Variants in DLGAP2 observed in about 807,000 individuals in gnomAD.
DLGAP2 encodes the protein DLG associated protein 2.
A neutral mutation model predicts 100.3 loss-of-function variants in DLGAP2; 26 were observed. The ratio of observed to expected loss-of-function variants is 0.26; its 90% CI spans 0.19 to 0.36. The LOEUF is 0.36. Among genes scored for constraint, DLGAP2 ranks in the 10% least tolerant of loss-of-function variants. DLGAP2 has a pLI of 1.00. For missense variants in DLGAP2, 1,858 were observed against 1,453.2 expected, an observed-to-expected ratio of 1.28 and a Z score of -4.53; for synonymous variants, 886 against 630.1, an observed-to-expected ratio of 1.41 and a Z score of -6.08.
Position 1,691,557 on chromosome 8 carries a change from T to C in DLGAP2, c.2727T>C (p.Ala909=), listed in dbSNP as rs1799260913. The C allele has an allele frequency of 6.2e-7, 1 of 1,614,186 alleles. No individual in the cohort carries two copies. Among genetic ancestry groups the C allele is most frequent in the Admixed American group, 1.7e-5 (1 of 60,034 alleles). The change falls in exon 13 of 15, where the codon GCT becomes GCC. Residue 909 remains alanine, a synonymous_variant. Coordinates refer to ENST00000637795, the MANE Select transcript of DLGAP2 (RefSeq NM_001346810.2). ...CAGTTCTCGGTAAAATCAGGAGTGC[T>C]GTTGGGAGTGCCCAGCTTCTCATGT... ...SEEILGKIRS[A]VGSAQLLMSQ... is the part of the protein sequence containing the mutation.
At chr8:1,358,610 C>CGTCCAA (rs1801908255) in intron 3 of DLGAP2, among the ~76,000 whole-genome samples, 1 of 152,158 alleles carries the variant, frequency 6.6e-6, no homozygotes, top group African/African-American at 2.4e-5. Context: ...GTGAAAGCAG[C>CGTCCAA]GTTTGGACGG....
chr8:1,073,720 A>G (rs1418910503), intron 2 of DLGAP2, among the ~76,000 whole-genome samples: 2 of 152,236 alleles, frequency 1.3e-5, no homozygotes, highest in Non-Finnish European at 2.9e-5. Flanking sequence ...GCTTTCCACA[A>G]ACATTTCCCA....
intron 2 of DLGAP2, among the ~76,000 whole-genome samples, chr8:913,349 T>A (rs1798527464): frequency 6.6e-6 from 1 of 152,198 alleles, no homozygotes; most frequent in Admixed American, 6.5e-5. Flanking sequence ...AAAGAGCTTT[T>A]AATTTCATGA....
intron 1 of DLGAP2, among the ~76,000 whole-genome samples, chr8:759,188 GACAGCCTTCCCATTATCAATACCCCCC>G (rs1821007038): frequency 9.5e-5 from 3 of 31,534 alleles, no homozygotes; most frequent in African/African-American, 2.6e-4. Context: ...CAATACCCCC[GACAGCCTTCCCATTATCAATACCCCCC>G]ACAGCCTTCC....
chr8:1,311,779 C>T (rs992065881), intron 3 of DLGAP2, among the ~76,000 whole-genome samples: 1 of 151,770 alleles, frequency 6.6e-6, no homozygotes, highest in Non-Finnish European at 1.5e-5. Flanking sequence ...TATGAAAAGC[C>T]ACAGCCAAGA....
intron 5 of DLGAP2, among the ~76,000 whole-genome samples, 168 bp downstream of exon 5, chr8:1,549,851 C>G (rs1233522070): frequency 6.6e-6 from 1 of 152,228 alleles, no homozygotes; most frequent in Non-Finnish European, 1.5e-5. Flanking sequence ...TGTTAACACA[C>G]GCATTACCTT....
At position 934,574 on chromosome 8, in the gene DLGAP2, C is replaced by T. The variant is rs557714177; in HGVS notation, c.73+26608C>T. 4.0e-3 allele frequency among the ~76,000 whole-genome samples: 611 copies of T among 152,244 alleles called. 1 individual carries two copies. Among genetic ancestry groups the T allele is most frequent in the Non-Finnish European group, 7.0e-3 (475 of 68,018 alleles). ...CGCCTCCCAGGGGGTGGAGAGGAAG[C>T]GAGTGCTCACTTCTGCGAGGAGGCG... On this transcript the variant is annotated intron_variant, in intron 2 of 14. Transcript: ENST00000637795.
intron 2 of DLGAP2, among the ~76,000 whole-genome samples, chr8:1,071,571 T>C (rs1803432464): frequency 1.3e-5 from 2 of 152,220 alleles, no homozygotes; most frequent in African/African-American, 2.4e-5. Flanking sequence ...CCTGATTCTT[T>C]CCATTTTCTA....
chr8:1,123,880 A>AT (rs1260756295), intron 2 of DLGAP2, among the ~76,000 whole-genome samples: 1 of 152,056 alleles, frequency 6.6e-6, no homozygotes, highest in Non-Finnish European at 1.5e-5. Context: ...AAATTATTTT[A>AT]TTTTTCAGAA....
rs1585055840 is a variant in DLGAP2 at position 1,678,696 on chromosome 8, C to T, written c.2704+67C>T. Reference sequence around the variant, plus strand: ...CTCAGTAATGCAAATATGCACATCACAGCATTAGTGGAGAAAAGTTCCTCC... The same window carrying T: ...CTCAGTAATGCAAATATGCACATCATAGCATTAGTGGAGAAAAGTTCCTCC... On this transcript the variant is annotated intron_variant, in intron 12 of 14. Transcript: ENST00000637795. 7 of 1,403,364 alleles carry T rather than the reference C, an allele frequency of 5.0e-6. No individual in the cohort carries two copies. The East Asian group carries it at 1.3e-4, about 26-fold the overall frequency. 86.9% of individuals were successfully genotyped at this position (1,403,364 alleles called of 1,614,324 possible).
chr8:1,283,683 A>G (rs568445768), intron 3 of DLGAP2, among the ~76,000 whole-genome samples: 11 of 152,362 alleles, frequency 7.2e-5, no homozygotes, highest in African/African-American at 2.4e-4. Context: ...TCACCTAACA[A>G]GCATTTTGAA....
At chr8:1,022,902 G>A (rs1801670472) in intron 2 of DLGAP2, among the ~76,000 whole-genome samples, 1 of 152,212 alleles carries the variant, frequency 6.6e-6, no homozygotes, top group South Asian at 2.1e-4. Flanking sequence ...ACTGAAATTG[G>A]CAGCTTTAGA....
chr8:1,513,773 C>T (rs879820737), intron 4 of DLGAP2, among the ~76,000 whole-genome samples: 6 of 152,138 alleles, frequency 3.9e-5, no homozygotes, highest in Non-Finnish European at 5.9e-5. Context: ...CAGAGAAATC[C>T]TGGGCACCCT....
chr8:1,442,071 C>T (rs1202068803), intron 3 of DLGAP2, among the ~76,000 whole-genome samples: 2 of 152,186 alleles, frequency 1.3e-5, no homozygotes, highest in African/African-American at 2.4e-5. Flanking sequence ...TTACTAAACT[C>T]AGGAGCAACA....
intron 2 of DLGAP2, among the ~76,000 whole-genome samples, chr8:1,232,101 G>T (rs1461100262): frequency 6.6e-6 from 1 of 152,214 alleles, no homozygotes; most frequent in Non-Finnish European, 1.5e-5. Flanking sequence ...ATTTGAAGAA[G>T]GGCCTGGGAT....
chr8:1,557,784 C>A (rs1384050439), intron 5 of DLGAP2, among the ~76,000 whole-genome samples: 25 of 152,208 alleles, frequency 1.6e-4, no homozygotes, highest in Admixed American at 1.6e-3. Flanking sequence ...CTGTCTGTGA[C>A]CTCATCTCCC....
At chr8:762,940 G>A (rs1821124103) in intron 1 of DLGAP2, among the ~76,000 whole-genome samples, 1 of 152,148 alleles carries the variant, frequency 6.6e-6, no homozygotes, top group Non-Finnish European at 1.5e-5. Flanking sequence ...GCCTCCCAAA[G>A]TGCTGGGATT....
At chr8:1,548,289 G>A (rs2404622) in intron 4 of DLGAP2, among the ~76,000 whole-genome samples, 79,364 of 149,336 alleles carry the variant, frequency 0.53, 21,432 homozygotes, top group African/African-American at 0.61. Context: ...GCGAAACCTC[G>A]TCTCTACTAA....
intron 2 of DLGAP2, among the ~76,000 whole-genome samples, chr8:1,138,568 C>T (rs13276384): frequency 0.13 from 19,106 of 152,202 alleles, 1,487 homozygotes; most frequent in Admixed American, 0.18. Flanking sequence ...ATTAGAAACA[C>T]GAGAAGACAC....
Sources: gnomAD v4.1 joint callset for allele counts (sites outside exome capture counted in the v4.1 genomes callset) on GRCh38, gnomAD v4.1.1 for gene constraint, MANE v1.5 for transcripts, NCBI Gene and HGNC (gene_info 2026-07-23, HGNC 2026-07-21) for gene names.